The following ARHGEF11 variants were observed in gnomAD, a reference collection of about 807,000 sequenced individuals.
ARHGEF11 encodes the protein Rho guanine exchange factor (GEF) 11.
A neutral mutation model predicts 193.7 loss-of-function variants in ARHGEF11; 55 were observed. The observed-to-expected ratio is 0.28, with a 90% CI of 0.23 to 0.36. The LOEUF (loss-of-function observed/expected upper bound fraction) is 0.36. ARHGEF11 is among the 10% of genes least tolerant of loss of function. The pLI is 1.00. For missense variants in ARHGEF11, 1,723 were observed against 2,005.6 expected (o/e 0.86, Z 2.69); for synonymous variants, 693 against 768.0 (o/e 0.90, Z 1.62).
Position 156,947,284 on chromosome 1 carries a change from GA to G in ARHGEF11, c.2488+19del. On this transcript the variant is annotated intron_variant, in intron 26 of 40. Transcript: ENST00000368194. ...TGAAGGGCAGCAGAAGAGGAGTCTG[GA>G]GGGGCACAGGCTCCTTACTGTGAAT... 1 of 1,589,924 alleles carries G rather than the reference GA, an allele frequency of 6.3e-7. No homozygotes were observed. The highest frequency in any genetic ancestry group is 8.5e-7 in the Non-Finnish European group (1 of 1,170,514).
intron 3 of ARHGEF11, among the ~76,000 whole-genome samples, chr1:156,983,221 G>GT (rs1477768142): frequency 7.0e-6 from 1 of 143,058 alleles, no homozygotes; most frequent in Non-Finnish European, 1.5e-5. Flanking sequence ...TTTTTTTTTT[G>GT]TTTTTTGTTT....
At chr1:156,999,964 T>A (rs1213455574) in intron 1 of ARHGEF11, among the ~76,000 whole-genome samples, 3 of 152,164 alleles carry the variant, frequency 2.0e-5, no homozygotes, top group Non-Finnish European at 4.4e-5. Flanking sequence ...TCTACAAGAG[T>A]ATCTTTTTAA....
chr1:156,943,181 C>T (rs921528338), intron 32 of ARHGEF11, among the ~76,000 whole-genome samples: 1 of 151,906 alleles, frequency 6.6e-6, no homozygotes. Context: ...CTGCCTCAGC[C>T]TCCCGAGTAA....
Position 156,948,953 on chromosome 1 carries a change from A to T in ARHGEF11, c.1926-455T>A, listed in dbSNP as rs1057341892. ...TTGGAACGGGTCAGCTCCCACCTTT[A>T]ACTCTGCCTGAGGCGAACCTCTTTT... On this transcript the variant is annotated intron_variant, in intron 22 of 40. Coordinates refer to ENST00000368194, the MANE Select transcript of ARHGEF11 (RefSeq NM_198236.3). This position sits in a 1 kb window ranked among gnomAD's most constrained non-coding sequence, Gnocchi z 4.2. The T allele has an allele frequency of 5.1e-6, 5 of 985,284 alleles. No homozygotes were observed. In the African/African-American group the frequency reaches 8.7e-5, roughly 17 times the overall value. 61.0% of individuals were successfully genotyped at this position (985,284 alleles called of 1,614,324 possible).
intron 10 of ARHGEF11, among the ~76,000 whole-genome samples, chr1:156,968,440 A>G (rs931917381): frequency 6.6e-6 from 1 of 152,104 alleles, no homozygotes; most frequent in Non-Finnish European, 1.5e-5. Flanking sequence ...GGCAGCCTCA[A>G]CTCACAGCAC....
chr1:156,986,803 G>A (rs1664985774), intron 1 of ARHGEF11, among the ~76,000 whole-genome samples: 1 of 152,192 alleles, frequency 6.6e-6, no homozygotes, highest in African/African-American at 2.4e-5. Flanking sequence ...AGCCCGCTGG[G>A]TAACTGGCAA....
At chr1:157,029,261 T>TTTGTTGTTGTTG (rs3082842) in intron 1 of ARHGEF11, among the ~76,000 whole-genome samples, 1,681 of 150,406 alleles carry the variant, frequency 0.011, 11 homozygotes, top group African/African-American at 0.027. Flanking sequence ...TTTGGTGGTT[T>TTTGTTGTTGTTG]TTGTTGTTGT....
At chr1:157,040,250 C>T (rs1389376570) in intron 1 of ARHGEF11, among the ~76,000 whole-genome samples, 8 of 152,188 alleles carry the variant, frequency 5.3e-5, no homozygotes, top group East Asian at 1.9e-4. Flanking sequence ...ACTTATCATA[C>T]GTAGCTCTGG....
chr1:156,957,547 T>C (rs1284472772), intron 18 of ARHGEF11, among the ~76,000 whole-genome samples: 1 of 152,126 alleles, frequency 6.6e-6, no homozygotes. Context: ...CAGCTTGGTG[T>C]CTTCCCACTG....
rs373498407 is a variant in ARHGEF11, at chr1:156,936,238, G to A, written c.4631-180C>T. ...TCTACTGAACTCCACTTTCATCAGC[G>A]CCTAAAGCCCTTAGGTCAGGTAGGT... On this transcript the variant is annotated intron_variant, in intron 40 of 40. Transcript: ENST00000368194. 16 of 782,282 alleles carry A rather than the reference G, an allele frequency of 2.0e-5. No individual in the cohort carries two copies. The East Asian group carries it at 2.5e-4, about 12-fold the overall frequency. The allele number at this position is 782,282 out of a possible 1,614,324, so 48.5% of individuals were successfully genotyped here. A position where few individuals can be genotyped will look rare whatever the true frequency, so the allele number is the denominator to read the frequency against.
upstream of ARHGEF11, among the ~76,000 whole-genome samples, chr1:157,046,231 GCCGCCA>G (rs766191450): frequency 6.7e-4 from 96 of 144,042 alleles, no homozygotes; most frequent in South Asian, 1.7e-3. Flanking sequence ...CGTCCCCGCC[GCCGCCA>G]CCGCCACCGC....
chr1:156,997,609 C>T (rs148041464), intron 1 of ARHGEF11, among the ~76,000 whole-genome samples: 2 of 152,250 alleles, frequency 1.3e-5, no homozygotes, highest in East Asian at 1.9e-4. Flanking sequence ...TTACTAGGAG[C>T]TGACACTGGG....
intron 17 of ARHGEF11, 124 bp downstream of exon 17, chr1:156,958,618 T>A (rs999310674): frequency 2.1e-6 from 3 of 1,411,218 alleles, no homozygotes; most frequent in Non-Finnish European, 2.9e-6. Context: ...GGACTCCCCA[T>A]CTTTCAGGGG....
At chr1:157,010,639 C>G (rs1366868046) in intron 1 of ARHGEF11, among the ~76,000 whole-genome samples, 1 of 152,110 alleles carries the variant, frequency 6.6e-6, no homozygotes, top group Non-Finnish European at 1.5e-5. Flanking sequence ...AACTCCTGGC[C>G]TCAAGCGATC....
At chr1:156,994,501 A>G (rs1666213367) in intron 1 of ARHGEF11, among the ~76,000 whole-genome samples, 1 of 151,752 alleles carries the variant, frequency 6.6e-6, no homozygotes, top group Non-Finnish European at 1.5e-5. Context: ...AGGGTGTTCA[A>G]ATTCTAGGTA....
rs1278252968 is a variant in ARHGEF11, at chr1:156,946,933, T to C, written c.2568+3A>G. On this transcript the variant is annotated splice_donor_region_variant and intron_variant, in intron 27 of 40. Transcript: ENST00000368194. ...GCCAAGAGGGAGAAGTTTGGAGCCA[T>C]ACCCGGGCCAGCATGAGGTCACTGA... The C allele has an allele frequency of 6.2e-7, 1 of 1,613,912 alleles. No homozygotes were observed. The highest frequency in any genetic ancestry group is 1.1e-5 in the South Asian group (1 of 91,066).
intron 1 of ARHGEF11, among the ~76,000 whole-genome samples, chr1:157,030,558 GTCTT>G (rs1671175318): frequency 6.6e-6 from 1 of 152,074 alleles, no homozygotes; most frequent in South Asian, 2.1e-4. Flanking sequence ...AAATTTCACT[GTCTT>G]TCACTACTGT....
chr1:157,001,829 C>A (rs892411418), intron 1 of ARHGEF11, among the ~76,000 whole-genome samples: 1 of 152,190 alleles, frequency 6.6e-6, no homozygotes, highest in East Asian at 1.9e-4. Flanking sequence ...GTTAGGAAGA[C>A]AAAAATTATT....
In ARHGEF11 at chr1:156,956,499, C is replaced by G. The variant is rs780733515; in HGVS notation, c.1592G>C (p.Arg531Pro). Residue 531 changes from arginine (R) to proline (P), a missense_variant, in exon 19 of 41, where the codon CGA becomes CCA. Transcript: ENST00000368194. ...SHAGIRLREA[R>P]PSNTAEKAQS... ...GGCCTTTTCAGCTGTGTTGGAAGGT[C>G]GTGCCTCTCGAAGACGGATCCCAGC... 6.2e-7 allele frequency: 1 copy of G among 1,614,066 alleles called. No homozygotes were observed. Among genetic ancestry groups the G allele is most frequent in the East Asian group, 2.2e-5 (1 of 44,874 alleles).
Sources: gnomAD v4.1 joint callset for allele counts (sites outside exome capture counted in the v4.1 genomes callset) on GRCh38, gnomAD v4.1.1 for gene constraint, Gnocchi (gnomAD v3.1) non-coding constraint, MANE v1.5 for transcripts, NCBI Gene and HGNC (gene_info 2026-07-23, HGNC 2026-07-21) for gene names.